The following NHS variants were observed in gnomAD, a reference collection of about 807,000 sequenced individuals.
NHS encodes actin remodeling regulator NHS.
In NHS, 5 loss-of-function variants were observed where a neutral mutation model predicts 72.5. That is an observed-to-expected ratio of 0.07 (90% CI 0.04 to 0.14). The LOEUF (loss-of-function observed/expected upper bound fraction) is 0.14, where lower values mean the gene tolerates loss of function less well. Ranked by LOEUF, NHS falls within the 10% of genes least tolerant of loss-of-function variation. NHS has a pLI of 1.00. For synonymous variants in NHS, 464 were observed against 547.7 expected, an observed-to-expected ratio of 0.85 and a Z score of 2.13; for missense variants, 1,072 against 1,355.7, an observed-to-expected ratio of 0.79 and a Z score of 3.29.
At chrX:17,724,477 C>T in intron 6 of NHS, 47 bp downstream of exon 6, 1 of 1,189,197 alleles carries the variant, frequency 8.4e-7, no homozygotes, top group Non-Finnish European at 1.1e-6. Context: ...CCGCCTAGTA[C>T]AGATGATAGG....
intron 1 of NHS, among the ~76,000 whole-genome samples, chrX:17,624,079 T>C (rs1601806085): frequency 8.9e-6 from 1 of 112,873 alleles, no homozygotes; most frequent in Non-Finnish European, 1.9e-5. Context: ...GCTGTGTGTG[T>C]TGTAAGCAAA....
At chrX:17,447,836 TTTC>T (rs2064789491) in intron 1 of NHS, among the ~76,000 whole-genome samples, 2 of 110,221 alleles carry the variant, frequency 1.8e-5, no homozygotes, top group Admixed American at 1.9e-4. Context: ...TTTCTGGTTC[TTTC>T]TTCTTTAATT....
At chrX:17,698,782 A>C (rs1292363657) in intron 3 of NHS, among the ~76,000 whole-genome samples, 1 of 111,674 alleles carries the variant, frequency 9.0e-6, no homozygotes. Context: ...GGTTGGTTCA[A>C]TATTAGGAAA....
chrX:17,573,498 G>A (rs1215311358), intron 1 of NHS, among the ~76,000 whole-genome samples: 4 of 109,047 alleles, frequency 3.7e-5, no homozygotes, highest in East Asian at 2.9e-4. Flanking sequence ...TATGCTTCAC[G>A]AAGTTCTCGT....
intron 1 of NHS, among the ~76,000 whole-genome samples, chrX:17,526,679 T>G (rs1198395891): frequency 2.7e-5 from 3 of 112,086 alleles, no homozygotes; most frequent in Non-Finnish European, 5.6e-5. Context: ...AATACGTGAC[T>G]GGCTATTATT....
intron 1 of NHS, chrX:17,528,322 T>G (rs1424483286): frequency 8.9e-6 from 1 of 112,063 alleles, no homozygotes; most frequent in Non-Finnish European, 1.9e-5. Flanking sequence ...TCTGGTAGGG[T>G]GCTCCTGCTT....
chrX:17,510,510 A>T (rs1180441157), intron 1 of NHS, among the ~76,000 whole-genome samples: 1 of 112,508 alleles, frequency 8.9e-6, no homozygotes, highest in African/African-American at 3.2e-5. Flanking sequence ...AACAATGGGG[A>T]AAGCATTGCT....
At chrX:17,607,417 T>C (rs1485022754) in intron 1 of NHS, among the ~76,000 whole-genome samples, 1 of 111,592 alleles carries the variant, frequency 9.0e-6, no homozygotes. Flanking sequence ...GTGTATGTCC[T>C]GGTCAGATTC....
intron 1 of NHS, among the ~76,000 whole-genome samples, chrX:17,614,905 T>C (rs2047597668): frequency 9.3e-6 from 1 of 107,708 alleles, no homozygotes; most frequent in African/African-American, 3.4e-5. Context: ...GTCACATCTC[T>C]CCTTCCTCCT....
At chrX:17,629,357 T>A (rs1193683636) in intron 1 of NHS, among the ~76,000 whole-genome samples, 1 of 112,150 alleles carries the variant, frequency 8.9e-6, no homozygotes, top group Non-Finnish European at 1.9e-5. Flanking sequence ...CTTGCTCCCT[T>A]CTCTGCTTCT....
intron 1 of NHS, among the ~76,000 whole-genome samples, chrX:17,516,973 TA>T (rs2065125195): frequency 8.9e-6 from 1 of 112,458 alleles, no homozygotes; most frequent in Non-Finnish European, 1.9e-5. Flanking sequence ...CTTTAAAGCC[TA>T]GAAGAGCAAG....
In NHS at chrX:17,433,491, T is replaced by C. The variant is rs2064704841; in HGVS notation, c.565+57169T>C. Among the ~76,000 whole-genome samples the C allele has an allele frequency of 4.5e-5, 5 of 110,541 alleles. No individual in the cohort carries two copies. The Admixed American group carries it at 4.8e-4, about 11-fold the overall frequency. On this transcript the variant is annotated intron_variant, in intron 1 of 8. Coordinates refer to ENST00000676302, the MANE Select transcript of NHS (RefSeq NM_001291867.2). ...GGGCCTGCCTATTCTAGGGCATGGC[T>C]GGTTAGAGAGAATGAGAAGTCACTT...
At position 17,375,946 on chromosome X, in the gene NHS, A is replaced by G. The variant is rs1205606908; in HGVS notation, c.189A>G (p.Ala63=). 3 of 1,080,611 alleles carry G rather than the reference A, an allele frequency of 2.8e-6. No individual in the cohort carries two copies. The highest frequency in any genetic ancestry group is 3.6e-6 in the Non-Finnish European group (3 of 837,407). 89.1% of individuals were successfully genotyped at this position (1,080,611 alleles called of 1,213,427 possible). ...GPEEPARAVP[A]PSGLPPPPPP... is the part of the protein sequence containing the mutation. ...AGGAGCCAGCCCGCGCCGTCCCTGC[A>G]CCTTCAGGGCTGCCACCGCCGCCGC... The change falls in exon 1 of 9, where the codon GCA becomes GCG. Residue 63 remains alanine, a synonymous_variant. Transcript: ENST00000676302.
chrX:17,536,768 C>G (rs1301168503), intron 1 of NHS, among the ~76,000 whole-genome samples: 2 of 112,476 alleles, frequency 1.8e-5, no homozygotes, highest in Admixed American at 1.9e-4. Flanking sequence ...ACGTAGGAAA[C>G]TTTCTATAAA....
At chrX:17,606,652 G>A (rs187796776) in intron 1 of NHS, among the ~76,000 whole-genome samples, 77 of 112,300 alleles carry the variant, frequency 6.9e-4, no homozygotes, top group Middle Eastern at 4.6e-3. Context: ...TACAGATGGG[G>A]TGGTTCGTAC....
At chrX:17,603,737 GC>G (rs1420325370) in intron 1 of NHS, among the ~76,000 whole-genome samples, 12 of 112,154 alleles carry the variant, frequency 1.1e-4, no homozygotes, top group Non-Finnish European at 2.3e-4. Flanking sequence ...TGCTTTCATA[GC>G]CAAGTCAGTA....
intron 1 of NHS, among the ~76,000 whole-genome samples, chrX:17,619,085 A>G (rs748593251): frequency 4.5e-4 from 51 of 112,515 alleles, no homozygotes; most frequent in Non-Finnish European, 9.2e-4. Context: ...TTAGTTGGAT[A>G]GAACCCTGTG....
rs766662277 is a variant in NHS at position 17,521,366 on chromosome X, C to CTTTTT, written c.565+145053_565+145057dup. ...AGTTCTACCTTTTTCTCCCTTCCCT[C>CTTTTT]TTTTTTTTTTTTTGAGACAGGGTCT... On this transcript the variant is annotated intron_variant, in intron 1 of 8. Transcript: ENST00000676302. 1.0e-4 allele frequency among the ~76,000 whole-genome samples: 10 copies of CTTTTT among 97,376 alleles called. 1 individual carries two copies. Among genetic ancestry groups the CTTTTT allele is most frequent in the African/African-American group, 4.3e-4 (10 of 23,142 alleles). The allele number at this position is 97,376 out of a possible 115,157, so 84.6% of individuals were successfully genotyped here. A position where few individuals can be genotyped will look rare whatever the true frequency, so the allele number is the denominator to read the frequency against.
At chrX:17,606,922 G>A (rs1356229827) in intron 1 of NHS, among the ~76,000 whole-genome samples, 7 of 112,047 alleles carry the variant, frequency 6.2e-5, no homozygotes, top group Non-Finnish European at 9.4e-5. Flanking sequence ...GTGTATTAAC[G>A]CATAAACAAC....
Sources: gnomAD v4.1 joint callset for allele counts (sites outside exome capture counted in the v4.1 genomes callset) on GRCh38, gnomAD v4.1.1 for gene constraint, MANE v1.5 for transcripts, NCBI Gene and HGNC (gene_info 2026-07-23, HGNC 2026-07-21) for gene names.